ITPR1: variants seen among roughly 807,000 people sequenced by gnomAD.
ITPR1 encodes inositol 1,4,5-trisphosphate-gated calcium channel ITPR1.
Under a neutral mutation model 318.4 loss-of-function variants are expected in ITPR1, and 96 were observed. The ratio of observed to expected loss-of-function variants is 0.30; its 90% CI spans 0.26 to 0.36. ITPR1 has a LOEUF of 0.36. ITPR1 is among the 10% of genes least tolerant of loss of function. The pLI is 1.00. For missense variants in ITPR1, 2,440 were observed against 3,460.2 expected, an observed-to-expected ratio of 0.71 and a Z score of 7.40; for synonymous variants, 1,312 against 1,289.9, an observed-to-expected ratio of 1.02 and a Z score of -0.37.
At chr3:4,842,890 A>G (rs918074435) in intron 61 of ITPR1, among the ~76,000 whole-genome samples, 2 of 152,174 alleles carry the variant, frequency 1.3e-5, no homozygotes, top group African/African-American at 4.8e-5. Flanking sequence ...GCCTTATAAC[A>G]AGATATATAG....
At chr3:4,724,758 C>A (rs569172464) in intron 40 of ITPR1, among the ~76,000 whole-genome samples, 31 of 152,312 alleles carry the variant, frequency 2.0e-4, no homozygotes, top group African/African-American at 7.5e-4. Context: ...TGCCCTCTCA[C>A]CCCTTCCCCC....
In ITPR1 at chr3:4,813,249, C is replaced by A. The variant is rs773087500; in HGVS notation, c.7561+15C>A. The A allele has an allele frequency of 9.6e-6, 15 of 1,559,248 alleles. No individual in the cohort carries two copies. The Middle Eastern group carries it at 6.7e-4, about 70-fold the overall frequency. ...ACCCAGAGAAGGTAGGACCTCCTAA[C>A]TGTAAGCCCCATGTTAATATCGGAC... is the stretch of plus-strand genomic sequence containing the variant. On this transcript the variant is annotated intron_variant, in intron 57 of 61. Transcript: ENST00000649015.
At chr3:4,526,369 T>A (rs2124940275) in intron 4 of ITPR1, among the ~76,000 whole-genome samples, 1 of 152,332 alleles carries the variant, frequency 6.6e-6, no homozygotes, top group Non-Finnish European at 1.5e-5. Flanking sequence ...CAGATAAGTA[T>A]CTTACATTTC....
intron 4 of ITPR1, among the ~76,000 whole-genome samples, chr3:4,563,460 G>A (rs537110570): frequency 6.6e-6 from 1 of 152,224 alleles, no homozygotes; most frequent in Non-Finnish European, 1.5e-5. Context: ...AGTGAGCTGG[G>A]ATCATACCAC....
At chr3:4,612,071 T>TTC (rs1490268072) in intron 4 of ITPR1, among the ~76,000 whole-genome samples, 1 of 145,380 alleles carries the variant, frequency 6.9e-6, no homozygotes, top group African/African-American at 2.5e-5. Context: ...CCCTTTTTTT[T>TTC]TTTTTTTTTT....
intron 4 of ITPR1, among the ~76,000 whole-genome samples, chr3:4,591,316 A>G (rs1286935458): frequency 1.3e-5 from 2 of 152,178 alleles, no homozygotes; most frequent in East Asian, 1.9e-4. Context: ...GCTTTCCACA[A>G]TGGTTGAACT....
chr3:4,538,064 A>G (rs1312660356), intron 4 of ITPR1, among the ~76,000 whole-genome samples: 1 of 152,054 alleles, frequency 6.6e-6, no homozygotes, highest in African/African-American at 2.4e-5. Flanking sequence ...CTCTTTCTTT[A>G]GATTTATTTT....
At chr3:4,780,536 T>C (rs996794400) in intron 49 of ITPR1, among the ~76,000 whole-genome samples, 2 of 152,172 alleles carry the variant, frequency 1.3e-5, no homozygotes, top group East Asian at 1.9e-4. Flanking sequence ...ATTTGGACTC[T>C]TTTTCCACGC....
chr3:4,600,186 C>A (rs1193985057), intron 4 of ITPR1, among the ~76,000 whole-genome samples: 2 of 152,174 alleles, frequency 1.3e-5, no homozygotes, highest in African/African-American at 4.8e-5. Context: ...AAAAATTTTA[C>A]CTCTGTGGCA....
chr3:4,602,492 C>T (rs1410726958), intron 4 of ITPR1, among the ~76,000 whole-genome samples: 1 of 140,932 alleles, frequency 7.1e-6, no homozygotes, highest in Non-Finnish European at 1.5e-5. Flanking sequence ...TGCACCATTG[C>T]ACTCTAGCCT....
chr3:4,802,070 A>G (rs1455298450), intron 54 of ITPR1, among the ~76,000 whole-genome samples: 1 of 152,172 alleles, frequency 6.6e-6, no homozygotes, highest in African/African-American at 2.4e-5. Context: ...CCACGTTGAT[A>G]AATATGAGGT....
At chr3:4,654,460 G>A (rs183309216) in intron 12 of ITPR1, among the ~76,000 whole-genome samples, 140 of 152,290 alleles carry the variant, frequency 9.2e-4, no homozygotes, top group Non-Finnish European at 1.7e-3. Context: ...AGACCATATC[G>A]CCAAGTAATG....
intron 37 of ITPR1, 44 bp downstream of exon 37, chr3:4,706,395 C>G (rs371741307): frequency 7.2e-6 from 11 of 1,529,802 alleles, no homozygotes; most frequent in Non-Finnish European, 8.9e-7. Context: ...CCTGGCCTCA[C>G]GTGATTGCCA....
At chr3:4,791,163 G>A (rs143822278) in intron 52 of ITPR1, among the ~76,000 whole-genome samples, 2 of 152,116 alleles carry the variant, frequency 1.3e-5, no homozygotes, top group African/African-American at 4.8e-5. Flanking sequence ...CCTAGGCTGT[G>A]GTTATTTAAA....
intron 4 of ITPR1, among the ~76,000 whole-genome samples, chr3:4,586,175 C>T (rs1286583492): frequency 6.6e-6 from 1 of 152,174 alleles, no homozygotes; most frequent in Non-Finnish European, 1.5e-5. Flanking sequence ...CACTGATGGA[C>T]ATTTGAGTTG....
chr3:4,621,472 C>T (rs1032842814), intron 4 of ITPR1, among the ~76,000 whole-genome samples: 2 of 152,188 alleles, frequency 1.3e-5, no homozygotes, highest in Non-Finnish European at 1.5e-5. Context: ...CCTCCAGGCC[C>T]ACCTCCAAAC....
At chr3:4,650,887 T>G (rs927545499) in intron 10 of ITPR1, among the ~76,000 whole-genome samples, 1 of 152,208 alleles carries the variant, frequency 6.6e-6, no homozygotes, top group Non-Finnish European at 1.5e-5. Flanking sequence ...AACATTGTAA[T>G]ACAAGTTTGT....
chr3:4,806,358 G>A, intron 55 of ITPR1, 91 bp downstream of exon 55: 1 of 1,256,680 alleles, frequency 8.0e-7, no homozygotes, highest in Non-Finnish European at 1.2e-6. Flanking sequence ...TCCTTTTAAT[G>A]GTGATTGGTG....
At chr3:4,588,414 C>T (rs1472351933) in intron 4 of ITPR1, among the ~76,000 whole-genome samples, 1 of 151,974 alleles carries the variant, frequency 6.6e-6, no homozygotes, top group African/African-American at 2.4e-5. Flanking sequence ...GTATTCAAAG[C>T]AGCTGTGAAG....
Sources: allele counts gnomAD v4.1 joint callset (sites outside exome capture counted in the v4.1 genomes callset), GRCh38; gene constraint gnomAD v4.1.1; transcripts MANE v1.5; gene names NCBI Gene and HGNC (gene_info 2026-07-23, HGNC 2026-07-21).